Variants in URB1 observed in about 807,000 individuals in gnomAD.
The protein encoded by URB1 is URB1 ribosome biogenesis factor.
In URB1, 197 loss-of-function variants were observed where a neutral mutation model predicts 242.3. The ratio of observed to expected loss-of-function variants is 0.81; its 90% CI spans 0.72 to 0.91. The LOEUF (loss-of-function observed/expected upper bound fraction) is 0.91, where lower values mean the gene tolerates loss of function less well. Among genes scored for constraint, URB1 ranks in the 40% least tolerant of loss-of-function variants. The probability of loss-of-function intolerance (pLI) is 0.00; values close to 1 mark genes in which losing one functional copy is unlikely to be tolerated. For missense variants in URB1, 2,721 were observed against 2,860.5 expected (o/e 0.95, Z 1.11); for synonymous variants, 1,153 against 1,201.8 (o/e 0.96, Z 0.84).
chr21:32,348,995 C>A (rs1339928056), intron 21 of URB1, among the ~76,000 whole-genome samples: 1 of 152,250 alleles, frequency 6.6e-6, no homozygotes, highest in East Asian at 1.9e-4. Flanking sequence ...AAAAGCAGCA[C>A]CTGCTGCCCA....
intron 20 of URB1, 101 bp from the exon 21 acceptor site, chr21:32,349,584 A>C (rs1353007744): frequency 7.0e-6 from 9 of 1,280,340 alleles, no homozygotes; most frequent in Non-Finnish European, 9.4e-6. Context: ...GAGACTCGGG[A>C]GGCAGGCTGA....
Position 32,311,971 on chromosome 21 carries a change from A to G in URB1, c.*2947T>C, listed in dbSNP as rs1442710999. The G allele has an allele frequency of 1.2e-6, 2 of 1,613,256 alleles. No individual in the cohort carries two copies. The highest frequency in any genetic ancestry group is 2.7e-5 in the African/African-American group (2 of 74,928). On this transcript the variant is annotated 3_prime_UTR_variant, in exon 39 of 39. Transcript: ENST00000382751. ...AAGCCCAGCGAGCCTCCCCCTGGAG[A>G]CAGGACCTCTCAATTGCAGAGCTGA...
chr21:32,343,103 T>TCA (rs1403017800), intron 24 of URB1, among the ~76,000 whole-genome samples: 2 of 152,124 alleles, frequency 1.3e-5, no homozygotes, highest in East Asian at 1.9e-4. Context: ...CATAATTTTA[T>TCA]CACACACACA....
chr21:32,384,540 T>C (rs1167162451), intron 2 of URB1, 76 bp from the exon 3 acceptor site: 4 of 1,488,980 alleles, frequency 2.7e-6, no homozygotes. Context: ...CCTTTTGTCT[T>C]AGCCATAGTT....
intron 4 of URB1, among the ~76,000 whole-genome samples, chr21:32,382,991 C>G (rs59417390): frequency 1.2e-3 from 183 of 152,334 alleles, no homozygotes; most frequent in African/African-American, 4.3e-3. Flanking sequence ...CCATAAAAGT[C>G]CTCTCTGAGG....
Position 32,361,040 on chromosome 21 carries a change from G to A in URB1, c.1723C>T (p.Gln575Ter), listed in dbSNP as rs1035110426. 6.4e-7 allele frequency: 1 copy of A among 1,550,894 alleles called. No individual in the cohort carries two copies. The highest frequency in any genetic ancestry group is 2.0e-5 in the Admixed American group (1 of 50,836). The change falls in exon 13 of 39, where the codon CAG becomes TAG. Residue 575 changes from glutamine to a stop codon, truncating the protein, a stop_gained. Coordinates refer to ENST00000382751, the MANE Select transcript of URB1 (RefSeq NM_014825.3). LOFTEE classifies it high-confidence loss of function. The part of the protein sequence containing the change: ...YQKVVPHVVM[Q>*]YNFDFSKLLK... ...AGCTTGCTGAAGTCAAAGTTGTACT[G>A]CATGACCACGTGGGGGACCACCTTC...
intron 1 of URB1, among the ~76,000 whole-genome samples, chr21:32,391,618 T>C (rs1253605990): frequency 1.3e-5 from 2 of 152,206 alleles, no homozygotes; most frequent in African/African-American, 2.4e-5. Flanking sequence ...TAGCAAATAA[T>C]AGCCTCTAGT....
At chr21:32,381,774 C>A in intron 4 of URB1, among the ~76,000 whole-genome samples, 1 of 152,130 alleles carries the variant, frequency 6.6e-6, no homozygotes, top group East Asian at 1.9e-4. Flanking sequence ...ATATGATTCA[C>A]GTCTGGGATT....
At chr21:32,368,203 G>A (rs1428997635) in intron 9 of URB1, among the ~76,000 whole-genome samples, 200 bp downstream of exon 9, 1 of 152,040 alleles carries the variant, frequency 6.6e-6, no homozygotes, top group African/African-American at 2.4e-5. Context: ...AAGTACCTGG[G>A]ATTACAGGCG....
At position 32,358,895 on chromosome 21, in the gene URB1, CTG is replaced by C. The variant is rs1473723788; in HGVS notation, c.1869+899_1869+900del. ...GGACCCTGCAGAAGGTTCTGACACA[CTG>C]TGCCCAGCTGCCTTGTCTTTAAGTA... On this transcript the variant is annotated intron_variant, in intron 14 of 38. Transcript: ENST00000382751. 2.0e-5 allele frequency among the ~76,000 whole-genome samples: 3 copies of C among 152,188 alleles called. No individual in the cohort carries two copies. In the East Asian group the frequency reaches 5.8e-4, roughly 29 times the overall value.
chr21:32,362,756 C>T lies in URB1; in HGVS notation c.1509+400G>A, dbSNP rs548574194. 2.2e-4 allele frequency among the ~76,000 whole-genome samples: 33 copies of T among 152,270 alleles called. No homozygotes were observed. The East Asian group carries it at 6.2e-3, about 29-fold the overall frequency. ...GCAAGAGGGGCTTCCTGAGCCACTGCATCCCTTCTCACTGGGCCACAGTGT... is the reference window on the plus strand; with the variant it reads ...GCAAGAGGGGCTTCCTGAGCCACTGTATCCCTTCTCACTGGGCCACAGTGT... On this transcript the variant is annotated intron_variant, in intron 11 of 38. Coordinates refer to ENST00000382751, the MANE Select transcript of URB1 (RefSeq NM_014825.3).
intron 24 of URB1, among the ~76,000 whole-genome samples, chr21:32,342,465 CT>C (rs550408311): frequency 7.2e-4 from 108 of 150,204 alleles, no homozygotes; most frequent in African/African-American, 2.1e-3. Context: ...ACACTCGTGA[CT>C]TTTTTTTTTC....
intron 9 of URB1, 141 bp from the exon 10 acceptor site, chr21:32,366,896 G>T: frequency 1.1e-6 from 1 of 922,234 alleles, no homozygotes; most frequent in Non-Finnish European, 1.6e-6. Flanking sequence ...AGGCAGAGTG[G>T]AAGATTAACC....
intron 14 of URB1, among the ~76,000 whole-genome samples, chr21:32,358,120 C>G (rs1601143805): frequency 6.6e-6 from 1 of 152,168 alleles, no homozygotes; most frequent in African/African-American, 2.4e-5. Context: ...TCATTTTAAC[C>G]ACAATTTGGC....
Position 32,314,529 on chromosome 21 carries a change from C to G in URB1, c.*389G>C, listed in dbSNP as rs746644407. On this transcript the variant is annotated 3_prime_UTR_variant, in exon 39 of 39. Coordinates refer to ENST00000382751, the MANE Select transcript of URB1 (RefSeq NM_014825.3). ...CTCTCTTCGTTTTCATAAAAAAAAT[C>G]TGATACCTTTTGACATTTCAGCTTT... 6.2e-6 allele frequency: 10 copies of G among 1,604,032 alleles called. No homozygotes were observed. The highest frequency in any genetic ancestry group is 5.4e-5 in the African/African-American group (4 of 74,750).
In URB1 at chr21:32,338,896, G is replaced by A. The variant is rs942793058; in HGVS notation, c.4321C>T (p.Arg1441Trp). 5.2e-6 allele frequency: 8 copies of A among 1,534,112 alleles called. No individual in the cohort carries two copies. The Admixed American group carries it at 8.0e-5, about 15-fold the overall frequency. ...TTTAAAAATGTGTGGTCCTGGTACC[G>A]AAATCTAGGCGGCGAGAGTCAAAGG... ...QKFVKKGLKF[R>W]YQDHTFLKML... The change falls in exon 26 of 39, where the codon CGG becomes TGG. Residue 1441 changes from arginine to tryptophan, a missense_variant. Transcript: ENST00000382751.
At chr21:32,342,039 T>A (rs1222684424) in intron 24 of URB1, among the ~76,000 whole-genome samples, 1 of 46 alleles carries the variant, frequency 0.022, no homozygotes, top group Non-Finnish European at 0.05. Context: ...GGTTTTGGAT[T>A]TTTTTTTTTA....
chr21:32,392,840 C>T lies in URB1; in HGVS notation c.71G>A (p.Arg24His). The change falls in exon 1 of 39, where the codon CGC becomes CAC. Residue 24 changes from arginine to histidine, a missense_variant. By Grantham distance (29) the Arg-to-His change is conservative. Transcript: ENST00000382751. ...GCCCGTGAGCTCTTCTTTGCGGGCGCGCTTGGCTGCACCCGCGGAGGAAGC... is the reference window on the plus strand; with the variant it reads ...GCCCGTGAGCTCTTCTTTGCGGGCGTGCTTGGCTGCACCCGCGGAGGAAGC... ...GAASSAGAAK[R>H]ARKEELTGVR... 1.3e-6 allele frequency: 2 copies of T among 1,532,968 alleles called. No homozygotes were observed. Among genetic ancestry groups the T allele is most frequent in the Non-Finnish European group, 1.7e-6 (2 of 1,145,018 alleles). The allele number at this position is 1,532,968 out of a possible 1,614,324, so 95.0% of individuals were successfully genotyped here. A position where few individuals can be genotyped will look rare whatever the true frequency, so the allele number is the denominator to read the frequency against.
intron 4 of URB1, among the ~76,000 whole-genome samples, chr21:32,379,826 C>T (rs533568721): frequency 2.6e-5 from 4 of 152,162 alleles, no homozygotes; most frequent in African/African-American, 7.2e-5. Flanking sequence ...CCTGTCTCTA[C>T]TAAAAATACA....
Sources: gnomAD v4.1 joint callset for allele counts (sites outside exome capture counted in the v4.1 genomes callset) on GRCh38, gnomAD v4.1.1 for gene constraint, MANE v1.5 for transcripts, NCBI Gene and HGNC (gene_info 2026-07-23, HGNC 2026-07-21) for gene names.